The following CCDC102B variants were observed in gnomAD, a reference collection of about 807,000 sequenced individuals.
CCDC102B encodes the protein coiled-coil domain-containing protein 102B.
Under a neutral mutation model 57.4 loss-of-function variants are expected in CCDC102B, and 75 were observed. That is an observed-to-expected ratio of 1.31 (90% CI 1.08 to 1.58). The LOEUF is 1.58. Among genes scored for constraint, CCDC102B ranks in the 40% most tolerant of loss-of-function variants. CCDC102B has a pLI of 0.00. For synonymous variants in CCDC102B, 206 were observed against 201.9 expected (o/e 1.02, Z -0.17); for missense variants, 636 against 582.6 (o/e 1.09, Z -0.94).
At chr18:69,052,395 T>G (rs949886556) in intron 7 of CCDC102B, among the ~76,000 whole-genome samples, 3 of 151,972 alleles carry the variant, frequency 2.0e-5, no homozygotes, top group Non-Finnish European at 4.4e-5. Flanking sequence ...CTTGAGAAAT[T>G]TAGTATCATA....
intron 6 of CCDC102B, among the ~76,000 whole-genome samples, chr18:68,927,325 A>C (rs1036826343): frequency 4.6e-5 from 7 of 152,006 alleles, no homozygotes; most frequent in African/African-American, 1.7e-4. Flanking sequence ...TCAATTAAGC[A>C]TTTATCCATT....
chr18:68,778,066 ACCC>A (rs1024854718), intron 2 of CCDC102B, among the ~76,000 whole-genome samples: 14 of 152,250 alleles, frequency 9.2e-5, no homozygotes, highest in African/African-American at 3.4e-4. Context: ...GGGAGACATA[ACCC>A]AAGACCAGCA....
intron 2 of CCDC102B, among the ~76,000 whole-genome samples, chr18:68,731,232 C>T (rs1431848667): frequency 6.6e-6 from 1 of 152,134 alleles, no homozygotes; most frequent in African/African-American, 2.4e-5. Flanking sequence ...GATCTGCCCG[C>T]CTCGGCCTCC....
chr18:68,794,120 A>G (rs776623995), upstream of CCDC102B, among the ~76,000 whole-genome samples: 6 of 152,140 alleles, frequency 3.9e-5, no homozygotes, highest in Admixed American at 2.0e-4. Context: ...TGGCTTCACC[A>G]GATTAAGTTC....
chr18:68,942,527 CA>C (rs2049407303), intron 6 of CCDC102B, among the ~76,000 whole-genome samples: 1 of 151,934 alleles, frequency 6.6e-6, no homozygotes, highest in Admixed American at 6.6e-5. Flanking sequence ...AGCAGGAAAA[CA>C]AGTGAACAAA....
intron 7 of CCDC102B, among the ~76,000 whole-genome samples, chr18:69,052,055 G>GA (rs5825900): frequency 1.3e-5 from 2 of 150,734 alleles, no homozygotes; most frequent in African/African-American, 4.9e-5. Context: ...TCTCTTAAAT[G>GA]AAAAAAAAAT....
At chr18:68,811,262 A>AG (rs2036252904) in intron 1 of CCDC102B, among the ~76,000 whole-genome samples, 1 of 152,288 alleles carries the variant, frequency 6.6e-6, no homozygotes, top group East Asian at 1.9e-4. Flanking sequence ...TACATCCTTT[A>AG]GGTATAAAAC....
intron 7 of CCDC102B, among the ~76,000 whole-genome samples, chr18:69,036,105 T>A (rs2052284697): frequency 6.6e-6 from 1 of 152,100 alleles, no homozygotes; most frequent in Admixed American, 6.6e-5. Context: ...CTGCTTCCAT[T>A]GGGATTTAAA....
chr18:68,865,736 A>C (rs1250346557), intron 4 of CCDC102B, among the ~76,000 whole-genome samples: 1 of 152,184 alleles, frequency 6.6e-6, no homozygotes, highest in Admixed American at 6.5e-5. Context: ...ACTGTTGTTG[A>C]GAAATAAACT....
At chr18:68,828,293 A>G (rs1434720718) in intron 1 of CCDC102B, among the ~76,000 whole-genome samples, 2 of 146,596 alleles carry the variant, frequency 1.4e-5, no homozygotes, top group Non-Finnish European at 3.0e-5. Flanking sequence ...AGTGTCATGT[A>G]ACATTCACCA....
chr18:69,005,216 C>A (rs185880392), intron 6 of CCDC102B, among the ~76,000 whole-genome samples: 2 of 152,250 alleles, frequency 1.3e-5, no homozygotes, highest in African/African-American at 4.8e-5. Flanking sequence ...AAGAGAAAAT[C>A]TGCCCTTGTT....
At chr18:68,988,556 C>CAAAAA (rs201769629) in intron 6 of CCDC102B, among the ~76,000 whole-genome samples, 1 of 120,994 alleles carries the variant, frequency 8.3e-6, no homozygotes, top group African/African-American at 3.3e-5. Context: ...GTTGAAATTA[C>CAAAAA]AAAAAAAAAC....
At chr18:68,971,567 G>A (rs139478418) in intron 6 of CCDC102B, among the ~76,000 whole-genome samples, 1 of 152,048 alleles carries the variant, frequency 6.6e-6, no homozygotes, top group South Asian at 2.1e-4. Context: ...TAATTAATCT[G>A]CCCCTTTAGG....
At chr18:68,860,775 C>G (rs1363205867) in intron 4 of CCDC102B, among the ~76,000 whole-genome samples, 1 of 81,176 alleles carries the variant, frequency 1.2e-5, no homozygotes, top group Non-Finnish European at 3.2e-5. Flanking sequence ...CTCCACAGCA[C>G]TTACCATTTA....
chr18:68,747,137 T>C (rs1308625298), intron 2 of CCDC102B, among the ~76,000 whole-genome samples: 2 of 152,102 alleles, frequency 1.3e-5, no homozygotes, highest in Non-Finnish European at 2.9e-5. Flanking sequence ...AGTTATTAGC[T>C]ATAGTCATCC....
intron 6 of CCDC102B, among the ~76,000 whole-genome samples, chr18:68,975,953 G>T (rs2050425508): frequency 6.6e-6 from 1 of 151,636 alleles, no homozygotes; most frequent in South Asian, 2.1e-4. Flanking sequence ...TATTAGTACG[G>T]ACAGCAATAA....
intron 5 of CCDC102B, among the ~76,000 whole-genome samples, chr18:68,889,697 C>T (rs1327339440): frequency 6.6e-6 from 1 of 152,158 alleles, no homozygotes. Flanking sequence ...CCTCGGCCTC[C>T]CAAAGTACTG....
chr18:68,869,313 A>C (rs183063796), intron 4 of CCDC102B, among the ~76,000 whole-genome samples: 1 of 152,276 alleles, frequency 6.6e-6, no homozygotes, highest in East Asian at 1.9e-4. Context: ...CTGCACAGAA[A>C]TCCAAGCAGG....
intron 7 of CCDC102B, among the ~76,000 whole-genome samples, chr18:69,021,940 T>C (rs2051845837): frequency 6.6e-6 from 1 of 152,192 alleles, no homozygotes; most frequent in Non-Finnish European, 1.5e-5. Flanking sequence ...ATCTTGCTCT[T>C]GTTCTTTACT....
Sources: gnomAD v4.1 joint callset for allele counts (sites outside exome capture counted in the v4.1 genomes callset) on GRCh38, gnomAD v4.1.1 for gene constraint, MANE v1.5 for transcripts, NCBI Gene and HGNC (gene_info 2026-07-23, HGNC 2026-07-21) for gene names.